CCDC171: variants seen among roughly 807,000 people sequenced by gnomAD.
CCDC171 encodes coiled-coil domain-containing protein 171.
In CCDC171, 177 loss-of-function variants were observed where a neutral mutation model predicts 168.2. That is an observed-to-expected ratio of 1.05 (90% confidence interval 0.93 to 1.19). CCDC171 has a LOEUF of 1.19. Among genes scored for constraint, CCDC171 ranks in the 50% most tolerant of loss-of-function variants. The pLI, the probability that CCDC171 is intolerant of heterozygous loss-of-function variation, is 0.00. For missense variants in CCDC171, 1,991 were observed against 1,539.0 expected, an observed-to-expected ratio of 1.29 and a Z score of -4.91; for synonymous variants, 687 against 540.8, an observed-to-expected ratio of 1.27 and a Z score of -3.75.
intron 6 of CCDC171, 64 bp from the exon 7 acceptor site, chr9:15,623,203 G>A (rs1318563165): frequency 8.4e-7 from 1 of 1,195,412 alleles, no homozygotes; most frequent in Non-Finnish European, 1.2e-6. Context: ...GTCTTCTATT[G>A]GAGTGACTCT....
chr9:15,583,142 C>T (rs896633165), intron 4 of CCDC171, among the ~76,000 whole-genome samples: 7 of 152,038 alleles, frequency 4.6e-5, no homozygotes, highest in South Asian at 4.1e-4. Flanking sequence ...ATAGGCTGGG[C>T]GCGGTGGCTC....
At chr9:15,982,913 T>TG (rs1340845782) in intron 3 of CCDC171, among the ~76,000 whole-genome samples, 3 of 152,256 alleles carry the variant, frequency 2.0e-5, no homozygotes, top group African/African-American at 7.2e-5. Context: ...AAGAAGGTGA[T>TG]GCAGGGGTGA....
chr9:15,721,758 T>G lies in CCDC171; in HGVS notation c.1319-11T>G. On this transcript the variant is annotated splice_polypyrimidine_tract_variant and intron_variant, in intron 11 of 25. Transcript: ENST00000380701. ...TTTAAGGGTATATTTTCATCCTATATTTTTCTCTAGGCATCCACAAGGACA... is the reference window on the plus strand; with the variant it reads ...TTTAAGGGTATATTTTCATCCTATAGTTTTCTCTAGGCATCCACAAGGACA... 1 of 1,499,228 alleles carries G rather than the reference T, an allele frequency of 6.7e-7. No individual in the cohort carries two copies. The highest frequency in any genetic ancestry group is 2.5e-5 in the East Asian group (1 of 40,304). 92.9% of individuals were successfully genotyped at this position (1,499,228 alleles called of 1,614,324 possible). A position where few individuals can be genotyped will look rare whatever the true frequency, so the allele number is the denominator to read the frequency against.
intron 9 of CCDC171, among the ~76,000 whole-genome samples, chr9:15,667,236 A>G (rs1261954994): frequency 6.6e-6 from 1 of 152,196 alleles, no homozygotes; most frequent in Non-Finnish European, 1.5e-5. Context: ...TACTACCATT[A>G]GTATGTGGCA....
intron 3 of CCDC171, among the ~76,000 whole-genome samples, chr9:15,990,836 T>G (rs1201727581): frequency 6.6e-6 from 1 of 152,146 alleles, no homozygotes; most frequent in Non-Finnish European, 1.5e-5. Flanking sequence ...AGAAGGCCAT[T>G]ACATAATGGT....
chr9:15,690,498 G>T (rs10121393), intron 10 of CCDC171, among the ~76,000 whole-genome samples: 68,589 of 151,842 alleles, frequency 0.45, 15,848 homozygotes, highest in Non-Finnish European at 0.5. Context: ...TAAGTAATAT[G>T]ACTAAAATTT....
chr9:15,989,063 C>T (rs569762020), intron 3 of CCDC171, among the ~76,000 whole-genome samples: 1 of 152,290 alleles, frequency 6.6e-6, no homozygotes, highest in South Asian at 2.1e-4. Context: ...CCCTGTCTGA[C>T]AGTTTTGAAG....
At chr9:15,698,930 T>C (rs2051447765) in intron 11 of CCDC171, among the ~76,000 whole-genome samples, 1 of 152,200 alleles carries the variant, frequency 6.6e-6, no homozygotes, top group African/African-American at 2.4e-5. Flanking sequence ...AATAATACTC[T>C]AGTTTATATG....
intron 6 of CCDC171, among the ~76,000 whole-genome samples, chr9:15,608,115 G>C (rs2043356302): frequency 6.6e-6 from 1 of 152,088 alleles, no homozygotes; most frequent in South Asian, 2.1e-4. Flanking sequence ...AAAGCCACCA[G>C]TTCTACTGCC....
chr9:15,777,860 G>GTTCTT, intron 19 of CCDC171, 34 bp downstream of exon 19: 1 of 1,338,516 alleles, frequency 7.5e-7, no homozygotes, highest in Non-Finnish European at 1.0e-6. Context: ...AGTAACCTAA[G>GTTCTT]AACTTGTAGG....
At chr9:15,758,781 T>G (rs80209959) in intron 18 of CCDC171, among the ~76,000 whole-genome samples, 3,713 of 152,230 alleles carry the variant, frequency 0.024, 159 homozygotes, top group African/African-American at 0.086. Context: ...CTCACAAGGT[T>G]TGATAGTTTG....
chr9:16,059,262 T>G (rs1232548922), intron 1 of CCDC171, among the ~76,000 whole-genome samples: 1 of 152,242 alleles, frequency 6.6e-6, no homozygotes, highest in Non-Finnish European at 1.5e-5. Flanking sequence ...TGTTTTACAC[T>G]TAAAGGACTA....
chr9:16,082,567 A>G, the CCDC171 span, among the ~76,000 whole-genome samples: 2 of 152,248 alleles, frequency 1.3e-5, no homozygotes, highest in South Asian at 2.1e-4. Context: ...CTTGTAAAGA[A>G]TAAACTTTTC....
chr9:16,045,300 G>T (rs1052182305), intron 1 of CCDC171, among the ~76,000 whole-genome samples: 22 of 152,186 alleles, frequency 1.4e-4, no homozygotes, highest in African/African-American at 5.1e-4. Flanking sequence ...ACCTCGTCAA[G>T]GTGGTGGCCA....
At chr9:16,105,497 T>C in the CCDC171 span, among the ~76,000 whole-genome samples, 11 of 152,140 alleles carry the variant, frequency 7.2e-5, no homozygotes, top group African/African-American at 2.4e-4. Flanking sequence ...AAATTCAAAG[T>C]GGACATCAGA....
intron 20 of CCDC171, among the ~76,000 whole-genome samples, chr9:15,779,474 C>T (rs1385137504): frequency 3.3e-5 from 5 of 152,096 alleles, no homozygotes; most frequent in Non-Finnish European, 7.4e-5. Context: ...ATTCTCTTGC[C>T]TCAGCCTCCC....
intron 7 of CCDC171, 89 bp downstream of exon 7, chr9:15,623,502 C>CACACAA: frequency 1.4e-6 from 1 of 693,500 alleles, no homozygotes. Flanking sequence ...CACACACACA[C>CACACAA]ACACATAAAA....
chr9:15,775,732 A>T (rs958274344), intron 18 of CCDC171, among the ~76,000 whole-genome samples: 1 of 152,244 alleles, frequency 6.6e-6, no homozygotes, highest in Non-Finnish European at 1.5e-5. Flanking sequence ...TTGTTTATTT[A>T]AAAACAAGAA....
At chr9:16,104,591 G>A in the CCDC171 span, among the ~76,000 whole-genome samples, 28,205 of 151,942 alleles carry the variant, frequency 0.19, 2,733 homozygotes, top group African/African-American at 0.21. Flanking sequence ...GATGGACAGG[G>A]CCCAGATGTA....
Sources: allele counts gnomAD v4.1 joint callset (sites outside exome capture counted in the v4.1 genomes callset), GRCh38; gene constraint gnomAD v4.1.1; transcripts MANE v1.5; gene names NCBI Gene and HGNC (gene_info 2026-07-23, HGNC 2026-07-21).